ANKRD18B: variants seen among roughly 807,000 people sequenced by gnomAD.
ANKRD18B encodes the protein ankyrin repeat domain 18B.
ANKRD18B carries 75 observed loss-of-function variants against 111.8 expected under a neutral mutation model. The observed-to-expected ratio is 0.67, with a 90% CI of 0.56 to 0.81. The LOEUF (loss-of-function observed/expected upper bound fraction) is 0.81. Ranked by LOEUF, ANKRD18B falls within the 40% of genes least tolerant of loss-of-function variation. The probability of loss-of-function intolerance (pLI) is 0.00; values close to 1 mark genes in which losing one functional copy is unlikely to be tolerated. For synonymous variants in ANKRD18B, 356 were observed against 417.3 expected (o/e 0.85, Z 1.79); for missense variants, 1,038 against 1,225.5 (o/e 0.85, Z 2.28).
chr9:33,533,525 T>C lies in ANKRD18B; in HGVS notation c.582T>C (p.His194=). ...TATTGAAGAACCAGGCAAATATACA[T>C]GCCGTTGACAATTTCAAAAGGTGCA... The part of the protein sequence containing the change: ...EFLLKNQANI[H]AVDNFKRTAL... The change falls in exon 4 of 19, where the codon CAT becomes CAC. Residue 194 remains histidine (H), a synonymous_variant. Transcript: ENST00000684830. 4 of 1,525,620 alleles carry C rather than the reference T, an allele frequency of 2.6e-6. No individual in the cohort carries two copies. The highest frequency in any genetic ancestry group is 3.5e-6 in the Non-Finnish European group (4 of 1,139,960). 94.5% of individuals were successfully genotyped at this position (1,525,620 alleles called of 1,614,324 possible).
At chr9:33,535,239 T>C (rs1266549864) in intron 5 of ANKRD18B, among the ~76,000 whole-genome samples, 1 of 152,076 alleles carries the variant, frequency 6.6e-6, no homozygotes, top group Admixed American at 6.6e-5. Context: ...TCCCTCACTC[T>C]TCATGGTGAC....
At chr9:33,556,013 G>A (rs1310463149) in intron 13 of ANKRD18B, among the ~76,000 whole-genome samples, 193 bp downstream of exon 13, 2 of 151,748 alleles carry the variant, frequency 1.3e-5, no homozygotes, top group Non-Finnish European at 2.9e-5. Context: ...CATGACCCTT[G>A]GACTTTTTTG....
intron 12 of ANKRD18B, 139 bp downstream of exon 12, chr9:33,550,718 C>A: frequency 1.1e-6 from 1 of 908,870 alleles, no homozygotes; most frequent in Non-Finnish European, 1.5e-6. Context: ...ATTTTATTAT[C>A]TTTATAACGT....
chr9:33,541,883 G>C (rs1430510179), intron 9 of ANKRD18B, among the ~76,000 whole-genome samples: 1 of 152,122 alleles, frequency 6.6e-6, no homozygotes, highest in Non-Finnish European at 1.5e-5. Flanking sequence ...CCCTTTCTCT[G>C]TCTGCCCCTT....
In ANKRD18B at chr9:33,524,676, G is replaced by A; in HGVS notation, c.187G>A (p.Val63Ile). The change falls in exon 1 of 19, where the codon GTC (valine) becomes ATC (isoleucine). Residue 63 changes from valine to isoleucine, a missense_variant. Around this residue, in one of 4 missense-constraint regions of ANKRD18B, gnomAD observed 216 missense variants for 205.1 expected, o/e 1.05. Transcript: ENST00000684830. ...CLTRRFRDLDVRDRKDRTVLH... is the reference protein window; with the variant it reads ...CLTRRFRDLDIRDRKDRTVLH... Reference sequence around the variant, plus strand: ...GACGCGCAGGTTCCGGGACTTGGACGTCCGCGACAGAAAAGACAGGTAGCG... The same window carrying A: ...GACGCGCAGGTTCCGGGACTTGGACATCCGCGACAGAAAAGACAGGTAGCG... 6.4e-7 allele frequency: 1 copy of A among 1,550,462 alleles called. No homozygotes were observed. The highest frequency in any genetic ancestry group is 8.7e-7 in the Non-Finnish European group (1 of 1,146,606).
intron 10 of ANKRD18B, among the ~76,000 whole-genome samples, chr9:33,546,587 G>T (rs566007452): frequency 5.1e-4 from 78 of 152,194 alleles, no homozygotes; most frequent in Non-Finnish European, 7.1e-4. Flanking sequence ...CAAAGTAAAA[G>T]CAGATGAGGC....
At position 33,566,510 on chromosome 9, in the gene ANKRD18B, T is replaced by A. The variant is rs752632440; in HGVS notation, c.2742+10T>A. On this transcript the variant is annotated intron_variant, in intron 15 of 18. Transcript: ENST00000684830. ...AGAAATCCATTTACAGGTTAGTTTT[T>A]AAAATCAGGTAAGTTTATCTGTAAT... 284 of 1,601,100 alleles carry A rather than the reference T, an allele frequency of 1.8e-4. 1 individual carries two copies. Among genetic ancestry groups the A allele is most frequent in the Non-Finnish European group, 2.3e-4 (273 of 1,177,108 alleles).
At chr9:33,550,393 G>A (rs1324130312) in intron 11 of ANKRD18B, 37 bp from the exon 12 acceptor site, 4 of 1,506,766 alleles carry the variant, frequency 2.7e-6, no homozygotes, top group Admixed American at 4.7e-5. Flanking sequence ...TAATAATAAG[G>A]CACTTTATAA....
Position 33,524,580 on chromosome 9 carries a change from C to T in ANKRD18B, c.91C>T (p.Arg31Trp), listed in dbSNP as rs543361569. The change falls in exon 1 of 19, where the codon CGG (arginine) becomes TGG (tryptophan). Residue 31 changes from arginine (R) to tryptophan (W), a missense_variant. Transcript: ENST00000684830. The part of the protein sequence containing the change: ...QEYAGRGYHI[R>W]DWELRKIHRA... ...GTATGCGGGTCGGGGGTACCACATT[C>T]GGGACTGGGAACTGCGGAAGATCCA... is the stretch of plus-strand genomic sequence containing the variant. 3 of 1,551,360 alleles carry T rather than the reference C, an allele frequency of 1.9e-6. No homozygotes were observed. Among genetic ancestry groups the T allele is most frequent in the African/African-American group, 1.4e-5 (1 of 73,032 alleles).
intron 14 of ANKRD18B, among the ~76,000 whole-genome samples, chr9:33,559,294 C>T (rs997529580): frequency 7.9e-5 from 12 of 152,132 alleles, no homozygotes; most frequent in Non-Finnish European, 1.2e-4. Context: ...CTTACAGATG[C>T]AAATTCCCCC....
intron 6 of ANKRD18B, among the ~76,000 whole-genome samples, chr9:33,537,372 A>G (rs1394278529): frequency 2.0e-5 from 3 of 152,118 alleles, no homozygotes; most frequent in Non-Finnish European, 4.4e-5. Context: ...TTTATATATA[A>G]ATTAATTTTT....
chr9:33,538,993 G>A (rs475213), intron 6 of ANKRD18B, among the ~76,000 whole-genome samples: 2 of 152,092 alleles, frequency 1.3e-5, no homozygotes, highest in African/African-American at 4.8e-5. Flanking sequence ...TTTGTCTTTA[G>A]GGTGCTCATA....
chr9:33,562,451 G>C (rs1274880312), intron 14 of ANKRD18B, among the ~76,000 whole-genome samples: 1 of 152,070 alleles, frequency 6.6e-6, no homozygotes, highest in Admixed American at 6.5e-5. Flanking sequence ...TCCTTTTACT[G>C]AAACAGAGAT....
rs796720551 is a variant in ANKRD18B, at chr9:33,562,164, G to T, written c.2460+3977G>T. On this transcript the variant is annotated intron_variant, in intron 14 of 18. Transcript: ENST00000684830. ...TATGGTTTCATTTTCAGTAAATTTT[G>T]GTCGCAGTATCTGCTGAAATAGTCT... is the stretch of plus-strand genomic sequence containing the variant. 7.9e-5 allele frequency among the ~76,000 whole-genome samples: 12 copies of T among 151,924 alleles called. No individual in the cohort carries two copies. The South Asian group carries it at 2.5e-3, about 32-fold the overall frequency.
intron 12 of ANKRD18B, among the ~76,000 whole-genome samples, chr9:33,553,496 A>G (rs994430293): frequency 3.3e-5 from 5 of 152,164 alleles, no homozygotes; most frequent in African/African-American, 1.2e-4. Context: ...CATCTCAATC[A>G]ATAGCCTCTA....
chr9:33,550,397 T>C, intron 11 of ANKRD18B, 33 bp from the exon 12 acceptor site: 1 of 1,514,306 alleles, frequency 6.6e-7, no homozygotes, highest in South Asian at 1.3e-5. Flanking sequence ...AATAAGGCAC[T>C]TTATAAAATT....
intron 8 of ANKRD18B, 127 bp from the exon 9 acceptor site, chr9:33,541,020 T>A: frequency 4.4e-6 from 5 of 1,142,672 alleles, no homozygotes; most frequent in Non-Finnish European, 6.1e-6. Flanking sequence ...TTTGTGGTGA[T>A]GAGTGCAAGC....
In ANKRD18B at chr9:33,566,220, T is replaced by C. The variant is rs1381763401; in HGVS notation, c.2462T>C (p.Phe821Ser). 8.4e-6 allele frequency: 13 copies of C among 1,551,438 alleles called. No individual in the cohort carries two copies. Among genetic ancestry groups the C allele is most frequent in the Middle Eastern group, 1.7e-4 (1 of 5,960 alleles). ...AGCTCTATTATTTTATTAATGCAGTTTGATGATCTTATGGCCGAGAAGGAA... is the reference window on the plus strand; with the variant it reads ...AGCTCTATTATTTTATTAATGCAGTCTGATGATCTTATGGCCGAGAAGGAA... ...DILFKKLKQK[F>S]DDLMAEKEAV... Residue 821 changes from phenylalanine (F) to serine (S), a missense_variant and splice_region_variant, in exon 15 of 19, where the codon TTT becomes TCT. Phe to Ser is a radical substitution (Grantham distance 155). Coordinates refer to ENST00000684830, the MANE Select transcript of ANKRD18B (RefSeq NM_001393611.1).
chr9:33,527,892 G>T (rs187203159), intron 1 of ANKRD18B, among the ~76,000 whole-genome samples: 72 of 152,212 alleles, frequency 4.7e-4, no homozygotes, highest in African/African-American at 1.5e-3. Context: ...TGTAAATACC[G>T]CTCCAATATG....
Sources: allele counts gnomAD v4.1 joint callset (sites outside exome capture counted in the v4.1 genomes callset), GRCh38; gene constraint gnomAD v4.1.1; regional missense constraint gnomAD v4.1.1; transcripts MANE v1.5; gene names NCBI Gene and HGNC (gene_info 2026-07-23, HGNC 2026-07-21).